ICE1: variants seen among roughly 807,000 people sequenced by gnomAD.
ICE1 encodes little elongation complex subunit 1.
In ICE1, 64 loss-of-function variants were observed where a neutral mutation model predicts 192.7. The observed-to-expected ratio is 0.33, with a 90% CI of 0.27 to 0.41. ICE1 has a LOEUF of 0.41. Ranked by LOEUF, ICE1 falls within the 10% of genes least tolerant of loss-of-function variation. ICE1 has a pLI of 1.00. For synonymous variants in ICE1, 1,010 were observed against 984.5 expected (o/e 1.03, Z -0.49); for missense variants, 2,708 against 2,696.0 (o/e 1.00, Z -0.10).
intron 17 of ICE1, among the ~76,000 whole-genome samples, chr5:5,480,592 GGTT>G (rs1256955552): frequency 6.6e-6 from 1 of 152,116 alleles, no homozygotes; most frequent in Non-Finnish European, 1.5e-5. Flanking sequence ...TTTGAAATAA[GGTT>G]AGTGTTTGAG....
At chr5:5,482,434 G>A (rs562311198) in intron 17 of ICE1, among the ~76,000 whole-genome samples, 2 of 152,276 alleles carry the variant, frequency 1.3e-5, no homozygotes, top group Admixed American at 6.5e-5. Flanking sequence ...ATTAGAAAGC[G>A]TAATGTCAAA....
chr5:5,457,787 C>G, intron 12 of ICE1, 46 bp downstream of exon 12: 1 of 1,515,590 alleles, frequency 6.6e-7, no homozygotes, highest in South Asian at 1.2e-5. Context: ...GGTACATTGT[C>G]TATCCTAATA....
chr5:5,425,322 G>A (rs1737488980), intron 1 of ICE1, among the ~76,000 whole-genome samples: 1 of 152,172 alleles, frequency 6.6e-6, no homozygotes, highest in Non-Finnish European at 1.5e-5. Context: ...AACTTTTTCT[G>A]TAAGGAGCAA....
Position 5,475,989 on chromosome 5 carries a change from G to A in ICE1, c.6430G>A (p.Val2144Met). 6.2e-7 allele frequency: 1 copy of A among 1,608,222 alleles called. No homozygotes were observed. The highest frequency in any genetic ancestry group is 8.5e-7 in the Non-Finnish European group (1 of 1,175,802). ...DNIISKELWP[V>M]MDKWIKYRKG... Reference sequence around the variant, plus strand: ...TTTTTATAGTAAGGAGCTGTGGCCTGTGATGGATAAATGGATAAAATACAG... The same window carrying A: ...TTTTTATAGTAAGGAGCTGTGGCCTATGATGGATAAATGGATAAAATACAG... The change falls in exon 17 of 19, where the codon GTG becomes ATG. Residue 2144 changes from valine to methionine, a missense_variant. Coordinates refer to ENST00000296564, the MANE Select transcript of ICE1 (RefSeq NM_015325.3).
At chr5:5,452,163 ATTTTTTTTT>A (rs952502832) in intron 10 of ICE1, among the ~76,000 whole-genome samples, 1 of 133,124 alleles carries the variant, frequency 7.5e-6, no homozygotes, top group Admixed American at 7.7e-5. Context: ...TGTTTGTTCC[ATTTTTTTTT>A]TTTTTTTTTT....
chr5:5,473,841 A>T, intron 16 of ICE1, 93 bp downstream of exon 16: 1 of 888,004 alleles, frequency 1.1e-6, no homozygotes, highest in African/African-American at 1.7e-5. Context: ...TTGTCGTTTA[A>T]GTGTGTAAGG....
At chr5:5,460,064 CA>C (rs1738721017) in intron 12 of ICE1, among the ~76,000 whole-genome samples, 1 of 152,192 alleles carries the variant, frequency 6.6e-6, no homozygotes, top group Non-Finnish European at 1.5e-5. Context: ...GCCGTGAAGC[CA>C]GAGGCCAGCA....
intron 17 of ICE1, among the ~76,000 whole-genome samples, chr5:5,483,273 G>A (rs761048388): frequency 3.3e-5 from 5 of 152,178 alleles, no homozygotes; most frequent in Non-Finnish European, 5.9e-5. Flanking sequence ...TGGGATTACA[G>A]GTGTGAGCCA....
In ICE1 at chr5:5,489,462, T is replaced by A; in HGVS notation, c.*132T>A. On this transcript the variant is annotated 3_prime_UTR_variant, in exon 19 of 19. Transcript: ENST00000296564. ...AATAGATAAAACAGACCAGAGGCTCTCCTTATTGTTTGGCAAGGAGACAGG... is the reference window on the plus strand; with the variant it reads ...AATAGATAAAACAGACCAGAGGCTCACCTTATTGTTTGGCAAGGAGACAGG... The A allele has an allele frequency of 1.3e-6, 1 of 776,188 alleles. No homozygotes were observed. The highest frequency in any genetic ancestry group is 1.9e-6 in the Non-Finnish European group (1 of 513,006). 48.1% of individuals were successfully genotyped at this position (776,188 alleles called of 1,614,324 possible). A position where few individuals can be genotyped will look rare whatever the true frequency, so the allele number is the denominator to read the frequency against.
At chr5:5,440,611 T>A (rs1162397571) in intron 4 of ICE1, among the ~76,000 whole-genome samples, 2 of 152,216 alleles carry the variant, frequency 1.3e-5, no homozygotes, top group Non-Finnish European at 2.9e-5. Context: ...GTAATAGTAC[T>A]ATTTAATAGC....
chr5:5,426,065 A>G (rs1460331194), intron 1 of ICE1, among the ~76,000 whole-genome samples: 1 of 152,200 alleles, frequency 6.6e-6, no homozygotes, highest in Admixed American at 6.5e-5. Context: ...TTCAGATTTA[A>G]TGTTTGTGGA....
At position 5,476,060 on chromosome 5, in the gene ICE1, C is replaced by G. The variant is rs770427870; in HGVS notation, c.6501C>G (p.Ala2167=). ...NIAYTPDIII[A]SILRLIGRLG... ...CGTATACTCCTGATATTATTATAGC[C>G]TCAATACTGAGGCTGATTGGTAAGT... The change falls in exon 17 of 19, where the codon GCC becomes GCG. Residue 2167 remains alanine (A), a synonymous_variant. Transcript: ENST00000296564. The G allele has an allele frequency of 6.3e-7, 1 of 1,588,420 alleles. No homozygotes were observed. Among genetic ancestry groups the G allele is most frequent in the Admixed American group, 1.8e-5 (1 of 56,286 alleles).
At chr5:5,489,122 T>C (rs773486297) in intron 18 of ICE1, 27 bp from the exon 19 acceptor site, 1 of 1,605,872 alleles carries the variant, frequency 6.2e-7, no homozygotes, top group Non-Finnish European at 8.5e-7. Flanking sequence ...TTTCTTGTTT[T>C]ATGACTGATC....
intron 6 of ICE1, among the ~76,000 whole-genome samples, chr5:5,443,862 A>C (rs533009450): frequency 2.0e-5 from 3 of 152,344 alleles, no homozygotes; most frequent in Admixed American, 6.5e-5. Context: ...TCCATCTTAA[A>C]GCAAGTGTAG....
Position 5,437,078 on chromosome 5 carries a change from A to G in ICE1, c.144-2A>G. The G allele has an allele frequency of 6.7e-7, 1 of 1,499,220 alleles. No homozygotes were observed. Among genetic ancestry groups the G allele is most frequent in the Non-Finnish European group, 9.1e-7 (1 of 1,096,910 alleles). The allele number at this position is 1,499,220 out of a possible 1,614,324, so 92.9% of individuals were successfully genotyped here. On this transcript the variant is annotated splice_acceptor_variant, in intron 2 of 18. Transcript: ENST00000296564. LOFTEE classifies it high-confidence loss of function. ...ACCTAATTTTTCTTTTCTTTTTTGC[A>G]GTAATTTGTTAACAGAATATCAGAA...
rs1001182824 is a variant in ICE1, at chr5:5,486,968, T to C, written c.6619+149T>C. On this transcript the variant is annotated intron_variant, in intron 18 of 18. Transcript: ENST00000296564. The stretch of plus-strand genomic sequence containing the variant: ...TATTTGCAAAACATTCCAGCATTAA[T>C]ATTGGAATGTGTGTGTGGATTTTGT... 22 of 589,444 alleles carry C rather than the reference T, an allele frequency of 3.7e-5. No individual in the cohort carries two copies. In the African/African-American group the frequency reaches 3.7e-4, roughly 10 times the overall value. 36.5% of individuals were successfully genotyped at this position (589,444 alleles called of 1,614,324 possible).
At position 5,457,613 on chromosome 5, in the gene ICE1, T is replaced by G. The variant is rs564166669; in HGVS notation, c.973T>G (p.Phe325Val). ...GSTEFVDHDH[F>V]FDEDLQAAID... The stretch of plus-strand genomic sequence containing the variant: ...TACTGAATTTGTTGATCATGATCAT[T>G]TTTTTGATGAAGATCTTCAAGCTGC... The change falls in exon 12 of 19, where the codon TTT becomes GTT. Residue 325 changes from phenylalanine (F) to valine (V), a missense_variant. Phe to Val is a conservative substitution (Grantham distance 50, BLOSUM62 -1). Transcript: ENST00000296564. The G allele has an allele frequency of 6.2e-7, 1 of 1,613,984 alleles. No individual in the cohort carries two copies. The highest frequency in any genetic ancestry group is 1.3e-5 in the African/African-American group (1 of 75,032).
intron 1 of ICE1, 56 bp downstream of exon 1, chr5:5,423,055 G>T: frequency 8.1e-7 from 1 of 1,233,334 alleles, no homozygotes; most frequent in South Asian, 2.2e-5. Flanking sequence ...GGCCGGCCGG[G>T]AGCGCAGGGA....
At chr5:5,424,668 A>G (rs566199345) in intron 1 of ICE1, among the ~76,000 whole-genome samples, 2 of 152,174 alleles carry the variant, frequency 1.3e-5, no homozygotes, top group Non-Finnish European at 2.9e-5. Flanking sequence ...ATGGGTGAGG[A>G]CTAGGCCAGT....
Sources: gnomAD v4.1 joint callset for allele counts (sites outside exome capture counted in the v4.1 genomes callset) on GRCh38, gnomAD v4.1.1 for gene constraint, MANE v1.5 for transcripts, NCBI Gene and HGNC (gene_info 2026-07-23, HGNC 2026-07-21) for gene names.